Variants in THSD7B observed in about 807,000 individuals in gnomAD.
THSD7B encodes thrombospondin type 1 domain containing 7B.
A neutral mutation model predicts 213.6 loss-of-function variants in THSD7B; 138 were observed. The observed-to-expected ratio is 0.65, with a 90% CI of 0.56 to 0.74. The LOEUF (loss-of-function observed/expected upper bound fraction) is 0.74. Ranked by LOEUF, THSD7B falls within the 30% of genes least tolerant of loss-of-function variation. The probability of loss-of-function intolerance (pLI) is 0.00; values close to 1 mark genes in which losing one functional copy is unlikely to be tolerated. For synonymous variants in THSD7B, 742 were observed against 687.0 expected, an observed-to-expected ratio of 1.08 and a Z score of -1.25; for missense variants, 1,931 against 1,991.5, an observed-to-expected ratio of 0.97 and a Z score of 0.58.
At chr2:137,579,437 A>G (rs1482179065) in intron 17 of THSD7B, among the ~76,000 whole-genome samples, 1 of 152,192 alleles carries the variant, frequency 6.6e-6, no homozygotes, top group Non-Finnish European at 1.5e-5. Flanking sequence ...TCCAGCTTGC[A>G]GACTGCAGAA....
chr2:137,299,652 G>C (rs1683552739), intron 12 of THSD7B, among the ~76,000 whole-genome samples: 1 of 152,038 alleles, frequency 6.6e-6, no homozygotes, highest in African/African-American at 2.4e-5. Flanking sequence ...AAAGATGTAG[G>C]GAATATTTGT....
chr2:137,144,366 T>A (rs936858169), intron 5 of THSD7B, among the ~76,000 whole-genome samples: 1 of 152,118 alleles, frequency 6.6e-6, no homozygotes, highest in Admixed American at 6.6e-5. Flanking sequence ...CATTTAGAAT[T>A]GAATTCATAT....
intron 1 of THSD7B, among the ~76,000 whole-genome samples, chr2:136,787,019 A>T (rs1220988545): frequency 6.6e-6 from 1 of 152,206 alleles, no homozygotes; most frequent in Non-Finnish European, 1.5e-5. Context: ...GCCAAGACAC[A>T]CAAGGTTGCC....
intron 1 of THSD7B, among the ~76,000 whole-genome samples, chr2:136,768,487 T>C (rs1267774415): frequency 6.6e-6 from 1 of 152,206 alleles, no homozygotes; most frequent in Non-Finnish European, 1.5e-5. Flanking sequence ...GTCAAAAGTT[T>C]GAATAGAATG....
At chr2:137,549,308 CTCTTTTTTTT>C (rs1195787961) in intron 15 of THSD7B, among the ~76,000 whole-genome samples, 2 of 100,176 alleles carry the variant, frequency 2.0e-5, no homozygotes, top group Non-Finnish European at 1.9e-5. Context: ...TTTTCAGATG[CTCTTTTTTTT>C]TTTTTTTTTT....
At chr2:137,071,502 T>A (rs75678541) in intron 3 of THSD7B, among the ~76,000 whole-genome samples, 14,313 of 152,224 alleles carry the variant, frequency 0.094, 897 homozygotes, top group African/African-American at 0.18. Context: ...TCCCATTTTG[T>A]AGGTTGCCTG....
At chr2:137,462,431 C>T (rs1052408640) in intron 15 of THSD7B, among the ~76,000 whole-genome samples, 6 of 151,978 alleles carry the variant, frequency 3.9e-5, no homozygotes, top group African/African-American at 4.8e-5. Context: ...ACCAAGTAGC[C>T]GTCAAATGCT....
At chr2:136,784,932 C>A (rs941917285) in intron 1 of THSD7B, among the ~76,000 whole-genome samples, 1 of 152,140 alleles carries the variant, frequency 6.6e-6, no homozygotes, top group Non-Finnish European at 1.5e-5. Flanking sequence ...TTTCATAATG[C>A]CATTCAGCCT....
intron 13 of THSD7B, among the ~76,000 whole-genome samples, chr2:137,406,120 CAT>C (rs1414640858): frequency 1.3e-5 from 2 of 152,188 alleles, no homozygotes; most frequent in Non-Finnish European, 2.9e-5. Context: ...CAAAGTTTGT[CAT>C]GTGCTATCAT....
At chr2:136,770,742 T>C (rs1435482912) in intron 1 of THSD7B, among the ~76,000 whole-genome samples, 5 of 152,244 alleles carry the variant, frequency 3.3e-5, no homozygotes, top group Non-Finnish European at 5.9e-5. Flanking sequence ...AATGCAATCA[T>C]TGGCATTATC....
intron 12 of THSD7B, among the ~76,000 whole-genome samples, chr2:137,326,002 A>G (rs1391127036): frequency 6.6e-6 from 1 of 152,216 alleles, no homozygotes; most frequent in East Asian, 1.9e-4. Context: ...GCCTTCTGAA[A>G]TCTTTTCTCA....
chr2:137,572,928 C>T (rs986626906), intron 17 of THSD7B, among the ~76,000 whole-genome samples: 2 of 152,030 alleles, frequency 1.3e-5, no homozygotes, highest in African/African-American at 4.8e-5. Flanking sequence ...GAATCAATTA[C>T]ATCTTAGGAG....
chr2:137,358,770 C>T (rs1685189863), intron 12 of THSD7B, among the ~76,000 whole-genome samples: 1 of 152,154 alleles, frequency 6.6e-6, no homozygotes, highest in African/African-American at 2.4e-5. Context: ...CAGTATCTCA[C>T]ATTTAGAAGG....
intron 15 of THSD7B, among the ~76,000 whole-genome samples, chr2:137,504,172 C>T (rs888333744): frequency 6.6e-6 from 1 of 152,022 alleles, no homozygotes; most frequent in Admixed American, 6.5e-5. Context: ...CATCTCAGTT[C>T]TTTACAATAC....
intron 2 of THSD7B, among the ~76,000 whole-genome samples, chr2:137,054,789 G>A (rs955461902): frequency 1.3e-5 from 2 of 150,910 alleles, no homozygotes; most frequent in African/African-American, 4.9e-5. Flanking sequence ...TTAATTTTAA[G>A]TTCTGGGATA....
chr2:137,065,071 A>T (rs1309674803), intron 3 of THSD7B, among the ~76,000 whole-genome samples: 1 of 151,940 alleles, frequency 6.6e-6, no homozygotes, highest in East Asian at 1.9e-4. Flanking sequence ...TGATATTTTC[A>T]TAGGGATTGC....
intron 1 of THSD7B, among the ~76,000 whole-genome samples, chr2:136,780,068 G>A (rs1192981331): frequency 6.6e-6 from 1 of 152,128 alleles, no homozygotes; most frequent in Non-Finnish European, 1.5e-5. Flanking sequence ...ATGTGTGTTT[G>A]TGTCTGTCTG....
At chr2:137,262,455 GA>G (rs576126238) in intron 10 of THSD7B, among the ~76,000 whole-genome samples, 2,643 of 139,308 alleles carry the variant, frequency 0.019, 29 homozygotes, top group South Asian at 0.043. Context: ...AGGATTTGCG[GA>G]AAAAAAAAAA....
At chr2:136,833,920 A>G (rs1430943546) in intron 1 of THSD7B, among the ~76,000 whole-genome samples, 2 of 152,230 alleles carry the variant, frequency 1.3e-5, no homozygotes, top group African/African-American at 4.8e-5. Context: ...TCTAAAATGC[A>G]TGGCATGGCC....
Sources: gnomAD v4.1 joint callset for allele counts (sites outside exome capture counted in the v4.1 genomes callset) on GRCh38, gnomAD v4.1.1 for gene constraint, MANE v1.5 for transcripts, NCBI Gene and HGNC (gene_info 2026-07-23, HGNC 2026-07-21) for gene names.